SKP2: variants seen among roughly 807,000 people sequenced by gnomAD.
The protein encoded by SKP2 is S-phase kinase associated protein 2.
A neutral mutation model predicts 51.8 loss-of-function variants in SKP2; 16 were observed. The observed-to-expected ratio is 0.31, with a 90% CI of 0.21 to 0.47. SKP2 has a LOEUF of 0.47. Among genes scored for constraint, SKP2 ranks in the 20% least tolerant of loss-of-function variants. SKP2 has a pLI of 1.00. For missense variants in SKP2, 377 were observed against 505.3 expected, an observed-to-expected ratio of 0.75 and a Z score of 2.43; for synonymous variants, 176 against 198.6, an observed-to-expected ratio of 0.89 and a Z score of 0.96.
At chr5:36,170,310 G>A (rs1232659688) in intron 5 of SKP2, 34 bp from the exon 6 acceptor site, 3 of 1,240,320 alleles carry the variant, frequency 2.4e-6, no homozygotes, top group Admixed American at 1.7e-5. Context: ...TGTCTTACTG[G>A]TCTTTTTCTT....
chr5:36,160,391 A>G (rs1010917016), intron 2 of SKP2, among the ~76,000 whole-genome samples: 37 of 152,202 alleles, frequency 2.4e-4, no homozygotes, highest in African/African-American at 8.9e-4. Context: ...CACCATTCCC[A>G]TGTGCTGCAC....
intron 2 of SKP2, among the ~76,000 whole-genome samples, chr5:36,157,557 G>T (rs1413417111): frequency 6.6e-6 from 1 of 152,166 alleles, no homozygotes; most frequent in Non-Finnish European, 1.5e-5. Context: ...ACTCATCTGG[G>T]ATGGCACAAT....
chr5:36,188,049 G>A (rs1297826586), downstream of SKP2, among the ~76,000 whole-genome samples: 4 of 152,138 alleles, frequency 2.6e-5, no homozygotes, highest in African/African-American at 9.7e-5. Context: ...GACTAGGATT[G>A]CAACCCCTGC....
intron 2 of SKP2, among the ~76,000 whole-genome samples, chr5:36,154,796 C>T (rs983076565): frequency 2.0e-5 from 3 of 152,204 alleles, no homozygotes; most frequent in Non-Finnish European, 4.4e-5. Context: ...CAGCCTTGGC[C>T]TCCCAAAGTG....
chr5:36,163,387 G>A (rs896668995), intron 2 of SKP2, among the ~76,000 whole-genome samples: 1 of 152,192 alleles, frequency 6.6e-6, no homozygotes, highest in Admixed American at 6.5e-5. Context: ...TGCTGAGAGA[G>A]TGTGGTGGTC....
intron 2 of SKP2, among the ~76,000 whole-genome samples, chr5:36,155,735 A>C (rs1383541094): frequency 2.6e-5 from 4 of 152,224 alleles, no homozygotes; most frequent in African/African-American, 9.6e-5. Flanking sequence ...ACTTCCTGCT[A>C]AGATGAACAG....
intron 7 of SKP2, among the ~76,000 whole-genome samples, chr5:36,175,688 A>C (rs1185016378): frequency 6.6e-6 from 1 of 151,780 alleles, no homozygotes; most frequent in African/African-American, 2.4e-5. Flanking sequence ...TGTTTTGACC[A>C]AGTTGAAATT....
chr5:36,186,016 T>C (rs1415842223), downstream of SKP2, among the ~76,000 whole-genome samples: 3 of 152,192 alleles, frequency 2.0e-5, no homozygotes, highest in South Asian at 4.1e-4. Context: ...TTTGAAGCAA[T>C]TGTGAATGGG....
rs1745433425 is a variant in SKP2, at chr5:36,170,455, T to C, written c.770+13T>C. 4 of 1,486,020 alleles carry C rather than the reference T, an allele frequency of 2.7e-6. No homozygotes were observed. The highest frequency in any genetic ancestry group is 3.8e-6 in the Non-Finnish European group (4 of 1,065,826). The allele number at this position is 1,486,020 out of a possible 1,614,324, so 92.1% of individuals were successfully genotyped here. On this transcript the variant is annotated intron_variant, in intron 6 of 9. Transcript: ENST00000274255. ...GCAGCTGTTCCAGGTATGAAAGATG[T>C]GAGACTTGATTATAGACTCTTATGT...
At chr5:36,166,450 T>C in intron 3 of SKP2, 69 bp from the exon 4 acceptor site, 1 of 1,359,846 alleles carries the variant, frequency 7.4e-7, no homozygotes. Context: ...TACCTGTTAG[T>C]AATGTTGTTG....
chr5:36,165,637 A>C (rs949129409), intron 3 of SKP2, among the ~76,000 whole-genome samples: 2 of 152,142 alleles, frequency 1.3e-5, no homozygotes, highest in Non-Finnish European at 2.9e-5. Context: ...TTAATGATAG[A>C]TTTGTCACAC....
intron 7 of SKP2, chr5:36,192,894 A>G (rs1035071388): frequency 6.6e-6 from 1 of 152,214 alleles, no homozygotes; most frequent in Non-Finnish European, 1.5e-5. Context: ...GTAACAGTGG[A>G]GTAATTTTAT....
At chr5:36,178,845 G>A (rs1026236673) in intron 9 of SKP2, among the ~76,000 whole-genome samples, 1 of 152,046 alleles carries the variant, frequency 6.6e-6, no homozygotes, top group South Asian at 2.1e-4. Context: ...AAGCAGAGGC[G>A]AGGGGAAGGC....
intron 9 of SKP2, among the ~76,000 whole-genome samples, chr5:36,179,537 C>G (rs1440172743): frequency 6.6e-6 from 1 of 152,102 alleles, no homozygotes; most frequent in Non-Finnish European, 1.5e-5. Context: ...CCTTCTAATT[C>G]TTCCCTATTT....
rs531137899 is a variant in SKP2, at chr5:36,166,026, CTA to C, written c.393-491_393-490del. The stretch of plus-strand genomic sequence containing the variant: ...AACCATGACTGTTGCTATTGAATAT[CTA>C]TGACAGCCTTATTTCATAATAAAAT... On this transcript the variant is annotated intron_variant, in intron 3 of 9. Transcript: ENST00000274255. Among the ~76,000 whole-genome samples the C allele has an allele frequency of 9.1e-4, 138 of 152,234 alleles. 1 individual carries two copies. The highest frequency in any genetic ancestry group is 3.3e-3 in the African/African-American group (135 of 41,526).
intron 6 of SKP2, among the ~76,000 whole-genome samples, chr5:36,189,929 C>G (rs942251020): frequency 2.0e-5 from 3 of 152,324 alleles, no homozygotes; most frequent in East Asian, 3.9e-4. Context: ...GCAGGCACCC[C>G]TCCCCTAGCC....
Position 36,184,168 on chromosome 5 carries a change from A to G in SKP2, c.*2137A>G. ...AGACTCTTCAAAACAGAGCCCTGAG[A>G]TGGTCCTTTTTGACCCATCTACTTC... On this transcript the variant is annotated 3_prime_UTR_variant, in exon 10 of 10. Transcript: ENST00000274255. 2.1e-6 allele frequency: 1 copy of G among 466,074 alleles called. No homozygotes were observed. The highest frequency in any genetic ancestry group is 3.8e-6 in the Non-Finnish European group (1 of 266,608). 28.9% of individuals were successfully genotyped at this position (466,074 alleles called of 1,614,324 possible).
chr5:36,182,559 A>G lies in SKP2; in HGVS notation c.*528A>G, dbSNP rs1745845521. 1 of 984,636 alleles carries G rather than the reference A, an allele frequency of 1.0e-6. No individual in the cohort carries two copies. Among genetic ancestry groups the G allele is most frequent in the Admixed American group, 6.1e-5 (1 of 16,290 alleles). 61.0% of individuals were successfully genotyped at this position (984,636 alleles called of 1,614,324 possible). ...ATAGGAAAGAGAAAAATGTATTTGA[A>G]TTTTGCCTTTAGATTTGAAATTAGG... On this transcript the variant is annotated 3_prime_UTR_variant, in exon 10 of 10. Coordinates refer to ENST00000274255, the MANE Select transcript of SKP2 (RefSeq NM_005983.4).
chr5:36,189,734 C>T (rs1004866443), intron 6 of SKP2, among the ~76,000 whole-genome samples: 4 of 152,344 alleles, frequency 2.6e-5, no homozygotes, highest in African/African-American at 9.6e-5. Flanking sequence ...AGAACCACTA[C>T]TCTCTTCAAA....
Sources: gnomAD v4.1 joint callset for allele counts (sites outside exome capture counted in the v4.1 genomes callset) on GRCh38, gnomAD v4.1.1 for gene constraint, MANE v1.5 for transcripts, NCBI Gene and HGNC (gene_info 2026-07-23, HGNC 2026-07-21) for gene names.